Variants in TBCD observed in about 807,000 individuals in gnomAD.
TBCD encodes tubulin folding cofactor D.
A neutral mutation model predicts 169.3 loss-of-function variants in TBCD; 105 were observed. The ratio of observed to expected loss-of-function variants is 0.62; its 90% CI spans 0.53 to 0.73. TBCD has a LOEUF of 0.73. Ranked by LOEUF, TBCD falls within the 30% of genes least tolerant of loss-of-function variation. The pLI is 0.00. For synonymous variants in TBCD, 700 were observed against 643.9 expected, an observed-to-expected ratio of 1.09 and a Z score of -1.32; for missense variants, 1,444 against 1,600.1, an observed-to-expected ratio of 0.90 and a Z score of 1.66.
chr17:82,813,270 CCTCT>C (rs150827150), intron 12 of TBCD, among the ~76,000 whole-genome samples: 14 of 150,244 alleles, frequency 9.3e-5, no homozygotes, highest in African/African-American at 2.2e-4. Context: ...TTACCCGCCT[CCTCT>C]CTCTCTCTCT....
At chr17:82,907,284 T>C (rs933533169) in intron 20 of TBCD, among the ~76,000 whole-genome samples, 2 of 152,238 alleles carry the variant, frequency 1.3e-5, no homozygotes, top group Non-Finnish European at 2.9e-5. Context: ...CGTCTCAGCC[T>C]CACCTGGACC....
rs1265549591 is a variant in TBCD, at chr17:82,923,274, G to C, written c.2179-378G>C. On this transcript the variant is annotated intron_variant, in intron 25 of 38. Coordinates refer to ENST00000355528, the MANE Select transcript of TBCD (RefSeq NM_005993.5). The surrounding 1 kb of genome is among the most constrained non-coding windows in gnomAD (Gnocchi z 4.6). Reference sequence around the variant, plus strand: ...AGGTTATCCATTCAGTTTCTTAGTTGTAGTGGTAGTAAAGTGATGCGTGTA... The same window carrying C: ...AGGTTATCCATTCAGTTTCTTAGTTCTAGTGGTAGTAAAGTGATGCGTGTA... Among the ~76,000 whole-genome samples the C allele has an allele frequency of 6.6e-5, 10 of 152,272 alleles. No individual in the cohort carries two copies. The East Asian group carries it at 1.5e-3, about 23-fold the overall frequency.
In TBCD at chr17:82,880,663, C is replaced by G. The variant is rs1054301330; in HGVS notation, c.1476-3482C>G. On this transcript the variant is annotated intron_variant, in intron 14 of 38. Transcript: ENST00000355528. This position sits in a 1 kb window ranked among gnomAD's most constrained non-coding sequence, Gnocchi z 5.0. ...CCGTGGTGTTGGGAGGTGCTGGGCC[C>G]GGAGGTATCAGCAGGAACTGCAGGG... 6.6e-6 allele frequency among the ~76,000 whole-genome samples: 1 copy of G among 151,988 alleles called. No homozygotes were observed. The highest frequency in any genetic ancestry group is 1.9e-4 in the East Asian group (1 of 5,174).
At position 82,927,332 on chromosome 17, in the gene TBCD, G is replaced by C; in HGVS notation, c.2609+9G>C. 1 of 1,612,368 alleles carries C rather than the reference G, an allele frequency of 6.2e-7. No homozygotes were observed. The highest frequency in any genetic ancestry group is 8.5e-7 in the Non-Finnish European group (1 of 1,179,146). ...GGGGACGTGGGCACCTGGTACGTAC[G>C]TAGCAGTGGGTGAGCGCTTCTTCTG... is the stretch of plus-strand genomic sequence containing the variant. On this transcript the variant is annotated intron_variant, in intron 29 of 38. Transcript: ENST00000355528.
In TBCD at chr17:82,874,787, C is replaced by G. The variant is rs1344120095; in HGVS notation, c.1475+4407C>G. Among the ~76,000 whole-genome samples the G allele has an allele frequency of 6.6e-6, 1 of 152,180 alleles. No individual in the cohort carries two copies. The highest frequency in any genetic ancestry group is 2.4e-5 in the African/African-American group (1 of 41,436). On this transcript the variant is annotated intron_variant, in intron 14 of 38. Transcript: ENST00000355528. The surrounding 1 kb of genome is among the most constrained non-coding windows in gnomAD (Gnocchi z 5.0). The stretch of plus-strand genomic sequence containing the variant: ...CACCCGGGTATCGGTTGGGGTGTGC[C>G]CTTCCAGATCTCCCTCCCTTGGTTT...
In TBCD at chr17:82,942,598, T is replaced by A; in HGVS notation, c.*135T>A. ...AGCGCTGGCCCTTGGAGGCTGGCACTAGCTGACAGCTTTTCCTCTCTGCAC... is the reference window on the plus strand; with the variant it reads ...AGCGCTGGCCCTTGGAGGCTGGCACAAGCTGACAGCTTTTCCTCTCTGCAC... On this transcript the variant is annotated 3_prime_UTR_variant, in exon 39 of 39. Coordinates refer to ENST00000355528, the MANE Select transcript of TBCD (RefSeq NM_005993.5). 1 of 1,210,310 alleles carries A rather than the reference T, an allele frequency of 8.3e-7. No individual in the cohort carries two copies. The highest frequency in any genetic ancestry group is 1.2e-6 in the Non-Finnish European group (1 of 837,170). 75.0% of individuals were successfully genotyped at this position (1,210,310 alleles called of 1,614,324 possible). A position where few individuals can be genotyped will look rare whatever the true frequency, so the allele number is the denominator to read the frequency against.
At chr17:82,844,236 T>TGTGTGTGTGTG (rs59037028) in intron 13 of TBCD, among the ~76,000 whole-genome samples, 7 of 151,030 alleles carry the variant, frequency 4.6e-5, no homozygotes, top group Admixed American at 1.3e-4. Context: ...TGTGTGTGTG[T>TGTGTGTGTGTG]TTAAAGACCT....
chr17:82,830,355 A>G, intron 13 of TBCD: 2 of 1,613,524 alleles, frequency 1.2e-6, no homozygotes, highest in Non-Finnish European at 1.7e-6. Flanking sequence ...CAGCATCCCC[A>G]TCGCCCACCC....
intron 17 of TBCD, among the ~76,000 whole-genome samples, chr17:82,895,202 G>A (rs1487621042): frequency 1.3e-5 from 2 of 152,254 alleles, no homozygotes; most frequent in Non-Finnish European, 2.9e-5. Context: ...CAGGCCCTGC[G>A]TGCAGACCAG....
At chr17:82,879,906 T>G (rs1471630915) in intron 14 of TBCD, among the ~76,000 whole-genome samples, 1 of 150,520 alleles carries the variant, frequency 6.6e-6, no homozygotes, top group East Asian at 1.9e-4. Flanking sequence ...TTTGGAGTGG[T>G]GTATTGTTGG....
rs372067734 is a variant in TBCD at position 82,832,104 on chromosome 17, C to T, written c.1318+17170C>T. 70 of 1,614,086 alleles carry T rather than the reference C, an allele frequency of 4.3e-5. No individual in the cohort carries two copies. Among genetic ancestry groups the T allele is most frequent in the Non-Finnish European group, 3.2e-5 (38 of 1,180,028 alleles). On this transcript the variant is annotated intron_variant, in intron 13 of 38. Coordinates refer to ENST00000355528, the MANE Select transcript of TBCD (RefSeq NM_005993.5). This position sits in a 1 kb window ranked among gnomAD's most constrained non-coding sequence, Gnocchi z 4.9. ...GGCACCTGTGGGTTCCCCGGGCTTG[C>T]AGCTCCAGGTTTTCCTTGATGTCTT...
intron 27 of TBCD, among the ~76,000 whole-genome samples, chr17:82,925,354 AC>A (rs2061656541): frequency 5.3e-5 from 8 of 152,216 alleles, no homozygotes; most frequent in Admixed American, 4.6e-4. Flanking sequence ...TGAGGAGAAC[AC>A]AGTTGCCTTT....
chr17:82,907,173 A>C (rs1568009750), intron 20 of TBCD, among the ~76,000 whole-genome samples: 1 of 152,216 alleles, frequency 6.6e-6, no homozygotes, highest in East Asian at 1.9e-4. Flanking sequence ...TGAGCCAGTG[A>C]GGGGGCCTCA....
chr17:82,770,797 C>T (rs543700690), intron 5 of TBCD, among the ~76,000 whole-genome samples: 41 of 151,842 alleles, frequency 2.7e-4, no homozygotes, highest in African/African-American at 9.4e-4. Flanking sequence ...AGGTGGATCA[C>T]GAGGTCAGGA....
Position 82,941,438 on chromosome 17 carries a change from T to G in TBCD, c.3519T>G (p.Arg1173=). 6.2e-7 allele frequency: 1 copy of G among 1,603,346 alleles called. No individual in the cohort carries two copies. Among genetic ancestry groups the G allele is most frequent in the Non-Finnish European group, 8.5e-7 (1 of 1,177,028 alleles). The change falls in exon 38 of 39, where the codon CGT becomes CGG. Residue 1173 remains arginine, a synonymous_variant. Transcript: ENST00000355528. ...CAGTGGTGAGAGAGCAGCGCAACCG[T>G]CTGTGTGACCTTCTGGGCGTACCCA... is the stretch of plus-strand genomic sequence containing the variant. The part of the protein sequence containing the change: ...ELAVVREQRN[R]LCDLLGVPRP...
intron 23 of TBCD, among the ~76,000 whole-genome samples, chr17:82,918,942 G>A (rs1358103657): frequency 6.6e-6 from 1 of 152,176 alleles, no homozygotes; most frequent in Non-Finnish European, 1.5e-5. Context: ...AGGTGCCCAC[G>A]TGGAAGAAGG....
intron 9 of TBCD, among the ~76,000 whole-genome samples, chr17:82,803,839 G>A (rs929126724): frequency 1.3e-5 from 2 of 151,978 alleles, no homozygotes; most frequent in Non-Finnish European, 2.9e-5. Context: ...GGAGAATGGC[G>A]GCTGGGGTGC....
chr17:82,940,411 G>A (rs9916526), intron 37 of TBCD, among the ~76,000 whole-genome samples: 88 of 152,322 alleles, frequency 5.8e-4, no homozygotes, highest in African/African-American at 1.8e-3. Context: ...CCTCCGTGCT[G>A]ATCCCGGTGC....
chr17:82,766,178 C>T, intron 3 of TBCD, 89 bp from the exon 4 acceptor site: 1 of 996,058 alleles, frequency 1.0e-6, no homozygotes, highest in Admixed American at 2.1e-5. Context: ...GGTCGCGTAG[C>T]TGGTGATTTT....
Sources: allele counts gnomAD v4.1 joint callset (sites outside exome capture counted in the v4.1 genomes callset), GRCh38; gene constraint gnomAD v4.1.1; non-coding constraint Gnocchi (gnomAD v3.1); transcripts MANE v1.5; gene names NCBI Gene and HGNC (gene_info 2026-07-23, HGNC 2026-07-21).